Variants in ZNF609 observed in about 807,000 individuals in gnomAD.
ZNF609 encodes zinc finger protein 609.
In ZNF609, 11 loss-of-function variants were observed where a neutral mutation model predicts 109.5. The ratio of observed to expected loss-of-function variants is 0.10; its 90% confidence interval spans 0.06 to 0.17. The LOEUF (loss-of-function observed/expected upper bound fraction) is 0.17, where lower values mean the gene tolerates loss of function less well. ZNF609 is among the 10% of genes least tolerant of loss of function. ZNF609 has a pLI of 1.00. For missense variants in ZNF609, 1,559 were observed against 1,772.4 expected (o/e 0.88, Z 2.16); for synonymous variants, 646 against 662.0 (o/e 0.98, Z 0.37).
chr15:64,502,991 G>A (rs1328805380), intron 2 of ZNF609: 1 of 151,562 alleles, frequency 6.6e-6, no homozygotes. Flanking sequence ...CCTGCGAGGT[G>A]GAGGTTGCAT....
chr15:64,469,055 AACAAC>A lies in ZNF609; in HGVS notation c.-128+8222_-128+8226del, dbSNP rs1190856637. Among the ~76,000 whole-genome samples the A allele has an allele frequency of 1.5e-4, 21 of 135,990 alleles. 1 individual carries two copies. The highest frequency in any genetic ancestry group is 2.9e-4 in the Non-Finnish European group (17 of 59,638). 89.2% of individuals were successfully genotyped at this position (135,990 alleles called of 152,430 possible). A position where few individuals can be genotyped will look rare whatever the true frequency, so the allele number is the denominator to read the frequency against. On this transcript the variant is annotated intron_variant, in intron 1 of 9. Transcript: ENST00000326648. The stretch of plus-strand genomic sequence containing the variant: ...ATATCTTAAAAAAAAAAAAAAAAAA[AACAAC>A]ACAATTCAGCCTGGCCAACATGGTG...
At chr15:64,652,085 G>A (rs1896425355) in intron 3 of ZNF609, among the ~76,000 whole-genome samples, 1 of 152,102 alleles carries the variant, frequency 6.6e-6, no homozygotes, top group African/African-American at 2.4e-5. Context: ...TGTCACCCAA[G>A]CTGGAGTGCA....
At position 64,479,575 on chromosome 15, in the gene ZNF609, G is replaced by A. The variant is rs1279270986; in HGVS notation, c.-128+18737G>A. 7.2e-5 allele frequency among the ~76,000 whole-genome samples: 11 copies of A among 151,936 alleles called. No individual in the cohort carries two copies. In the East Asian group the frequency reaches 2.2e-3, roughly 30 times the overall value. ...CAAAGTGCTGGGATTACAGGCATGA[G>A]CCACCGCGCCTGGCCCGTACCTGTG... is the stretch of plus-strand genomic sequence containing the variant. On this transcript the variant is annotated intron_variant, in intron 1 of 9. Coordinates refer to ENST00000326648, the MANE Select transcript of ZNF609 (RefSeq NM_015042.2).
intron 2 of ZNF609, among the ~76,000 whole-genome samples, chr15:64,603,487 T>A (rs1895540041): frequency 6.6e-6 from 1 of 151,552 alleles, no homozygotes; most frequent in African/African-American, 2.4e-5. Flanking sequence ...CAGGCTAGTC[T>A]CAAACTCCTG....
intron 2 of ZNF609, among the ~76,000 whole-genome samples, chr15:64,511,994 T>G (rs971921711): frequency 6.6e-6 from 1 of 151,830 alleles, no homozygotes; most frequent in African/African-American, 2.4e-5. Context: ...ATTACAGGCA[T>G]GAGCCACCGC....
intron 2 of ZNF609, among the ~76,000 whole-genome samples, chr15:64,531,315 A>T (rs1016314413): frequency 6.6e-6 from 1 of 152,208 alleles, no homozygotes; most frequent in African/African-American, 2.4e-5. Context: ...TGAACTGCCC[A>T]GAGGATTGCT....
At chr15:64,564,917 C>T (rs374592789) in intron 2 of ZNF609, among the ~76,000 whole-genome samples, 36 of 150,766 alleles carry the variant, frequency 2.4e-4, no homozygotes, top group African/African-American at 7.8e-4. Context: ...GTGCGATCTC[C>T]GCTCACTGCA....
At chr15:64,559,870 A>G (rs1005513996) in intron 2 of ZNF609, among the ~76,000 whole-genome samples, 1 of 152,232 alleles carries the variant, frequency 6.6e-6, no homozygotes, top group Non-Finnish European at 1.5e-5. Flanking sequence ...AGCAAGATAA[A>G]TAATAGTATC....
intron 3 of ZNF609, chr15:64,653,042 C>T (rs1896441270): frequency 6.6e-6 from 1 of 152,214 alleles, no homozygotes; most frequent in Non-Finnish European, 1.5e-5. Context: ...TGTACTGTGG[C>T]TCTTCCTAGA....
chr15:64,504,678 A>G (rs547974559), intron 2 of ZNF609, among the ~76,000 whole-genome samples: 1 of 147,780 alleles, frequency 6.8e-6, no homozygotes, highest in Non-Finnish European at 1.5e-5. Flanking sequence ...ATAGGGGTTC[A>G]CCATGTTGGC....
At position 64,674,277 on chromosome 15, in the gene ZNF609, C is replaced by G; in HGVS notation, c.1423C>G (p.Leu475Val). ...TTCCATGGGCTCAGCCACTGGCCCC[C>G]TTCCTGGGACAAAGGTAGAACCCAC... ...TNSMGSATGP[L>V]PGTKVEPTVL... Residue 475 changes from leucine to valine, a missense_variant, in exon 5 of 10, where the codon CTT becomes GTT. Coordinates refer to ENST00000326648, the MANE Select transcript of ZNF609 (RefSeq NM_015042.2). 1 of 1,614,168 alleles carries G rather than the reference C, an allele frequency of 6.2e-7. No individual in the cohort carries two copies.
intron 1 of ZNF609, chr15:64,470,330 G>A (rs1893075608): frequency 6.6e-6 from 1 of 152,112 alleles, no homozygotes; most frequent in Non-Finnish European, 1.5e-5. Context: ...TTACAGGTTT[G>A]AGCCACTGCA....
intron 3 of ZNF609, among the ~76,000 whole-genome samples, chr15:64,652,309 C>T (rs112526565): frequency 0.046 from 7,014 of 152,088 alleles, 539 homozygotes; most frequent in African/African-American, 0.16. Context: ...CAGGCATGAG[C>T]CACCATGCCC....
At chr15:64,537,035 C>T (rs7170579) in intron 2 of ZNF609, among the ~76,000 whole-genome samples, 111,848 of 150,784 alleles carry the variant, frequency 0.74, 45,004 homozygotes, top group East Asian at 0.96. Flanking sequence ...CCAGCCTGGC[C>T]AACATGGCGA....
intron 4 of ZNF609, among the ~76,000 whole-genome samples, chr15:64,671,927 G>T (rs1896736801): frequency 6.6e-6 from 1 of 151,040 alleles, no homozygotes; most frequent in African/African-American, 2.4e-5. Flanking sequence ...CTTATTCTCA[G>T]ATGTGATTAT....
intron 2 of ZNF609, among the ~76,000 whole-genome samples, chr15:64,541,392 A>C (rs997834499): frequency 3.4e-5 from 5 of 146,760 alleles, no homozygotes; most frequent in Non-Finnish European, 6.0e-5. Flanking sequence ...GCGCCACTGC[A>C]CTCCAGCCTG....
intron 2 of ZNF609, among the ~76,000 whole-genome samples, chr15:64,556,153 C>G (rs1894582203): frequency 2.8e-5 from 1 of 35,952 alleles, no homozygotes; most frequent in African/African-American, 4.9e-5. Flanking sequence ...CCACACCTGG[C>G]CAATTTTTTT....
chr15:64,627,342 G>A (rs867641370), intron 3 of ZNF609, among the ~76,000 whole-genome samples: 1 of 152,206 alleles, frequency 6.6e-6, no homozygotes, highest in Non-Finnish European at 1.5e-5. Flanking sequence ...ACTGGCTTGT[G>A]TGGTATTTTA....
In ZNF609 at chr15:64,529,373, A is replaced by G. The variant is rs193196378; in HGVS notation, c.747+29207A>G. 6.8e-6 allele frequency: 5 copies of G among 736,804 alleles called. No individual in the cohort carries two copies. In the East Asian group the frequency reaches 1.4e-4, roughly 20 times the overall value. 45.6% of individuals were successfully genotyped at this position (736,804 alleles called of 1,614,324 possible). A position where few individuals can be genotyped will look rare whatever the true frequency, so the allele number is the denominator to read the frequency against. On this transcript the variant is annotated intron_variant, in intron 2 of 9. Transcript: ENST00000326648. ...CCTTCTCCATGGTGGTGAAGACACC[A>G]GTGAACTCTACGACGTACTCAGCGC...
Sources: allele counts gnomAD v4.1 joint callset (sites outside exome capture counted in the v4.1 genomes callset), GRCh38; gene constraint gnomAD v4.1.1; transcripts MANE v1.5; gene names NCBI Gene and HGNC (gene_info 2026-07-23, HGNC 2026-07-21).